Variants in FLT1 observed in about 807,000 individuals in gnomAD.
FLT1 encodes vascular endothelial growth factor receptor 1.
A neutral mutation model predicts 156.3 loss-of-function variants in FLT1; 49 were observed. The observed-to-expected ratio is 0.31, with a 90% CI of 0.25 to 0.40. FLT1 has a LOEUF of 0.40. Among genes scored for constraint, FLT1 ranks in the 10% least tolerant of loss-of-function variants. The pLI is 1.00. For missense variants in FLT1, 1,322 were observed against 1,637.2 expected, an observed-to-expected ratio of 0.81 and a Z score of 3.32; for synonymous variants, 594 against 583.8, an observed-to-expected ratio of 1.02 and a Z score of -0.25.
At chr13:28,376,614 A>T (rs1181774691) in intron 14 of FLT1, among the ~76,000 whole-genome samples, 2 of 152,300 alleles carry the variant, frequency 1.3e-5, no homozygotes, top group East Asian at 3.9e-4. Context: ...GTGCAAACCT[A>T]AACTAGATAG....
chr13:28,407,971 C>T (rs59905524), intron 10 of FLT1, among the ~76,000 whole-genome samples: 3,558 of 152,190 alleles, frequency 0.023, 151 homozygotes, highest in African/African-American at 0.081. Context: ...TTCACACACT[C>T]GTATTACAGG....
chr13:28,409,928 C>T (rs148009666), intron 10 of FLT1, among the ~76,000 whole-genome samples: 2 of 151,648 alleles, frequency 1.3e-5, no homozygotes, highest in Admixed American at 6.6e-5. Flanking sequence ...AAACATCTCT[C>T]ATCTCACACA....
chr13:28,467,014 T>A lies in FLT1; in HGVS notation c.277A>T (p.Thr93Ser), dbSNP rs1267555186. 2 of 1,613,928 alleles carry A rather than the reference T, an allele frequency of 1.2e-6. No homozygotes were observed. Among genetic ancestry groups the A allele is most frequent in the South Asian group, 2.2e-5 (2 of 91,070 alleles). ...TGGTTTGCTTGAGCTGTGTTCAAGG[T>A]TAAAGTACTGCAGAATTGTTTGCCA... ...RNGKQFCSTL[T>S]LNTAQANHTG... Residue 93 changes from threonine to serine, a missense_variant, in exon 3 of 30, where the codon ACC becomes TCC. Coordinates refer to ENST00000282397, the MANE Select transcript of FLT1 (RefSeq NM_002019.4).
chr13:28,310,141 C>T (rs1250425661), intron 27 of FLT1, among the ~76,000 whole-genome samples: 5 of 152,086 alleles, frequency 3.3e-5, no homozygotes, highest in African/African-American at 4.8e-5. Flanking sequence ...CCACCCATCT[C>T]GGCCTCCCAG....
At chr13:28,321,224 G>A (rs186368531) in intron 23 of FLT1, among the ~76,000 whole-genome samples, 174 of 152,298 alleles carry the variant, frequency 1.1e-3, no homozygotes, top group Middle Eastern at 3.4e-3. Context: ...CTCACGCAGC[G>A]CTGCCCAAAG....
At chr13:28,464,176 G>A (rs2137616132) in intron 3 of FLT1, among the ~76,000 whole-genome samples, 1 of 152,256 alleles carries the variant, frequency 6.6e-6, no homozygotes, top group Non-Finnish European at 1.5e-5. Context: ...ATGTATGTAT[G>A]TATATGTGTG....
At chr13:28,460,627 A>C (rs1879513076) in intron 3 of FLT1, among the ~76,000 whole-genome samples, 1 of 151,498 alleles carries the variant, frequency 6.6e-6, no homozygotes, top group African/African-American at 2.4e-5. Flanking sequence ...TTTTCTCCAG[A>C]CCTCTGTTTC....
At chr13:28,359,395 T>G (rs1316372301) in intron 14 of FLT1, among the ~76,000 whole-genome samples, 1 of 152,108 alleles carries the variant, frequency 6.6e-6, no homozygotes, top group African/African-American at 2.4e-5. Flanking sequence ...TCAATATGGA[T>G]TAAAAACTTA....
At chr13:28,420,825 C>T (rs983272613) in intron 10 of FLT1, among the ~76,000 whole-genome samples, 4 of 152,122 alleles carry the variant, frequency 2.6e-5, no homozygotes, top group African/African-American at 9.7e-5. Context: ...AACTATGTTT[C>T]CCCCAAATGA....
intron 13 of FLT1, chr13:28,385,720 A>T: frequency 1.0e-6 from 1 of 964,126 alleles, no homozygotes; most frequent in Non-Finnish European, 1.3e-6. Context: ...TACAAATATG[A>T]TACAATACAA....
chr13:28,439,215 G>A lies in FLT1; in HGVS notation c.389-870C>T, dbSNP rs762895496. 3.9e-5 allele frequency among the ~76,000 whole-genome samples: 6 copies of A among 152,096 alleles called. No homozygotes were observed. The highest frequency in any genetic ancestry group is 9.7e-5 in the African/African-American group (4 of 41,396). ...CTCAGTCTACCCTGCCCTTGCCCTC[G>A]GGAATCTATTGACATCCTCAGGCAA... On this transcript the variant is annotated intron_variant, in intron 3 of 29. Coordinates refer to ENST00000282397, the MANE Select transcript of FLT1 (RefSeq NM_002019.4). This position sits in a 1 kb window ranked among gnomAD's most constrained non-coding sequence, Gnocchi z 4.1.
In FLT1 at chr13:28,311,692, C is replaced by T. The variant is rs1432876753; in HGVS notation, c.3533G>A (p.Gly1178Glu). 1.9e-6 allele frequency: 3 copies of T among 1,613,954 alleles called. No homozygotes were observed. The highest frequency in any genetic ancestry group is 2.5e-6 in the Non-Finnish European group (3 of 1,179,886). ...AGTTGAGTATGTAAACCCACTATTT[C>T]CTGTCAGTATGGCATTGATTGGGAT... ...DYIPINAILT[G>E]NSGFTYSTPA... The change falls in exon 27 of 30, where the codon GGA becomes GAA. Residue 1178 changes from glycine to glutamate, a missense_variant. Coordinates refer to ENST00000282397, the MANE Select transcript of FLT1 (RefSeq NM_002019.4).
intron 1 of FLT1, among the ~76,000 whole-genome samples, chr13:28,486,718 C>A (rs1434541358): frequency 6.6e-6 from 1 of 152,260 alleles, no homozygotes; most frequent in Non-Finnish European, 1.5e-5. Flanking sequence ...TGATTCAATG[C>A]CCTGGCATTT....
chr13:28,485,121 A>C (rs1881076337), intron 1 of FLT1, among the ~76,000 whole-genome samples: 1 of 152,204 alleles, frequency 6.6e-6, no homozygotes, highest in Admixed American at 6.5e-5. Flanking sequence ...TGCCTAATAA[A>C]TATATAATTG....
At chr13:28,354,343 A>G (rs1055166025) in intron 15 of FLT1, among the ~76,000 whole-genome samples, 1 of 152,164 alleles carries the variant, frequency 6.6e-6, no homozygotes, top group Non-Finnish European at 1.5e-5. Flanking sequence ...GTGCAAAGTT[A>G]TATTCTTATA....
At position 28,431,266 on chromosome 13, in the gene FLT1, A is replaced by G. The variant is rs756492689; in HGVS notation, c.858T>C (p.Asn286=). 10 of 1,613,918 alleles carry G rather than the reference A, an allele frequency of 6.2e-6. No homozygotes were observed. In the Admixed American group the frequency reaches 1.7e-4, roughly 27 times the overall value. Residue 286 remains asparagine (N), a synonymous_variant, in exon 7 of 30, where the codon AAT becomes AAC. Coordinates refer to ENST00000282397, the MANE Select transcript of FLT1 (RefSeq NM_002019.4). ...CACTGTAGAATATGTTGGCATGGGAATTGCTTTGGTCAATTCGTCGCCTTA... is the reference window on the plus strand; with the variant it reads ...CACTGTAGAATATGTTGGCATGGGAGTTGCTTTGGTCAATTCGTCGCCTTA... ...ASVRRRIDQS[N]SHANIFYSVL...
At chr13:28,368,757 T>C (rs1271039323) in intron 14 of FLT1, 2 of 651,894 alleles carry the variant, frequency 3.1e-6, no homozygotes, top group African/African-American at 1.9e-5. Flanking sequence ...CAGGCTGGAG[T>C]GCAATGGTGC....
At chr13:28,363,077 T>C (rs1401849857) in intron 14 of FLT1, among the ~76,000 whole-genome samples, 1 of 152,172 alleles carries the variant, frequency 6.6e-6, no homozygotes, top group Non-Finnish European at 1.5e-5. Flanking sequence ...GATCTTTTGT[T>C]CATACTTAAT....
chr13:28,440,088 C>T (rs1390425656), intron 3 of FLT1, among the ~76,000 whole-genome samples: 1 of 152,084 alleles, frequency 6.6e-6, no homozygotes, highest in Non-Finnish European at 1.5e-5. Flanking sequence ...CCTTGCTAGC[C>T]CCCTTCCTTC....
Sources: allele counts gnomAD v4.1 joint callset (sites outside exome capture counted in the v4.1 genomes callset), GRCh38; gene constraint gnomAD v4.1.1; non-coding constraint Gnocchi (gnomAD v3.1); transcripts MANE v1.5; gene names NCBI Gene and HGNC (gene_info 2026-07-23, HGNC 2026-07-21).